The following SORCS1 variants were observed in gnomAD, a reference collection of about 807,000 sequenced individuals.
SORCS1 encodes VPS10 domain-containing receptor SorCS1.
A neutral mutation model predicts 146.1 loss-of-function variants in SORCS1; 60 were observed. That is an observed-to-expected ratio of 0.41 (90% CI 0.33 to 0.51). SORCS1 has a LOEUF of 0.51. SORCS1 is among the 20% of genes least tolerant of loss of function. The pLI, the probability that SORCS1 is intolerant of heterozygous loss-of-function variation, is 0.21. For synonymous variants in SORCS1, 637 were observed against 584.0 expected, an observed-to-expected ratio of 1.09 and a Z score of -1.31; for missense variants, 1,352 against 1,487.6, an observed-to-expected ratio of 0.91 and a Z score of 1.50.
At chr10:106,860,662 T>C (rs545630705) in intron 2 of SORCS1, among the ~76,000 whole-genome samples, 1 of 152,340 alleles carries the variant, frequency 6.6e-6, no homozygotes, top group East Asian at 1.9e-4. Flanking sequence ...GTCAGCATGC[T>C]TAATACAGAG....
At chr10:107,064,452 G>C (rs1477631535) in intron 1 of SORCS1, among the ~76,000 whole-genome samples, 1 of 152,156 alleles carries the variant, frequency 6.6e-6, no homozygotes, top group Non-Finnish European at 1.5e-5. Context: ...CTATTCCCAA[G>C]AAAACACTGT....
intron 2 of SORCS1, among the ~76,000 whole-genome samples, chr10:106,847,865 G>A (rs1287410848): frequency 9.4e-5 from 14 of 149,330 alleles, no homozygotes; most frequent in Non-Finnish European, 1.5e-5. Flanking sequence ...TCAGGAGCAG[G>A]TTGTTCAGTT....
At chr10:106,679,134 C>T (rs1345858165) in intron 12 of SORCS1, 122 bp downstream of exon 12, 1 of 619,158 alleles carries the variant, frequency 1.6e-6, no homozygotes, top group Non-Finnish European at 2.9e-6. Flanking sequence ...GAAAAATAAA[C>T]ATATTCACAG....
chr10:106,946,837 CACTG>C (rs1374176542), intron 2 of SORCS1, among the ~76,000 whole-genome samples: 2 of 152,158 alleles, frequency 1.3e-5, no homozygotes, highest in Non-Finnish European at 2.9e-5. Context: ...TGCTTATTCC[CACTG>C]ACTATCTAGT....
At position 107,158,889 on chromosome 10, in the gene SORCS1, G is replaced by A. The variant is rs1969498796; in HGVS notation, c.558+5080C>T. On this transcript the variant is annotated intron_variant, in intron 1 of 25. Transcript: ENST00000263054. ...TTGCCCTATCCTATGAACTTCTAAGGTCTCTCTTTAAAAAAATGTGGATGT... is the reference window on the plus strand; with the variant it reads ...TTGCCCTATCCTATGAACTTCTAAGATCTCTCTTTAAAAAAATGTGGATGT... 2.0e-5 allele frequency among the ~76,000 whole-genome samples: 3 copies of A among 151,582 alleles called. No homozygotes were observed. The South Asian group carries it at 6.2e-4, about 32-fold the overall frequency.
In SORCS1 at chr10:106,579,356, G is replaced by A. The variant is rs1844762983; in HGVS notation, c.3371+13C>T. ...GGTCAGGGGTGGGGGAACGTGGATA[G>A]AGGGACACGCACCTTTTAAACTTGT... On this transcript the variant is annotated intron_variant, in intron 25 of 25. Transcript: ENST00000263054. The A allele has an allele frequency of 6.2e-7, 1 of 1,613,904 alleles. No homozygotes were observed. The highest frequency in any genetic ancestry group is 1.1e-5 in the South Asian group (1 of 91,080).
intron 19 of SORCS1, among the ~76,000 whole-genome samples, chr10:106,625,032 A>G (rs988730675): frequency 2.0e-5 from 3 of 152,224 alleles, no homozygotes; most frequent in Admixed American, 2.0e-4. Flanking sequence ...TGCAATGCAC[A>G]AAAGGGACAG....
chr10:107,101,087 T>G lies in SORCS1; in HGVS notation c.558+62882A>C, dbSNP rs559992304. On this transcript the variant is annotated intron_variant, in intron 1 of 25. Coordinates refer to ENST00000263054, the MANE Select transcript of SORCS1 (RefSeq NM_052918.5). ...TTTTTTTCTTTTTTGGAGACCAAGT[T>G]TCACTCTCATTGCCCAGGCTGGAGT... Among the ~76,000 whole-genome samples the G allele has an allele frequency of 2.8e-4, 43 of 152,184 alleles. 1 individual carries two copies. The highest frequency in any genetic ancestry group is 1.0e-3 in the African/African-American group (43 of 41,516).
chr10:106,899,734 A>G (rs1564789400), intron 2 of SORCS1, among the ~76,000 whole-genome samples: 1 of 151,938 alleles, frequency 6.6e-6, no homozygotes, highest in Non-Finnish European at 1.5e-5. Context: ...ATGACTCCCA[A>G]GGGCTTTCAA....
intron 2 of SORCS1, among the ~76,000 whole-genome samples, chr10:106,905,033 A>G (rs1231579195): frequency 6.6e-6 from 1 of 152,144 alleles, no homozygotes; most frequent in Admixed American, 6.5e-5. Flanking sequence ...ATACATGTTT[A>G]ACTTTAAATA....
At chr10:106,836,792 G>GTA (rs559543338) in intron 2 of SORCS1, among the ~76,000 whole-genome samples, 209 of 152,154 alleles carry the variant, frequency 1.4e-3, no homozygotes, top group African/African-American at 4.6e-3. Context: ...GGAAAAGAAG[G>GTA]TATATCCTTT....
chr10:106,852,965 T>G (rs1318041522), intron 2 of SORCS1, among the ~76,000 whole-genome samples: 1 of 152,172 alleles, frequency 6.6e-6, no homozygotes, highest in Non-Finnish European at 1.5e-5. Flanking sequence ...GTTTTTGATA[T>G]TGGAATAATA....
At chr10:106,947,142 G>A (rs553560082) in intron 2 of SORCS1, among the ~76,000 whole-genome samples, 9 of 152,264 alleles carry the variant, frequency 5.9e-5, no homozygotes, top group South Asian at 4.1e-4. Context: ...TAAAAGTTAC[G>A]TATTGAAAAT....
intron 1 of SORCS1, among the ~76,000 whole-genome samples, chr10:107,117,361 C>G (rs1216374999): frequency 6.6e-6 from 1 of 152,146 alleles, no homozygotes; most frequent in Non-Finnish European, 1.5e-5. Flanking sequence ...ACAATGACCC[C>G]GGAAGGCCAT....
chr10:106,679,981 G>A (rs1589648752), intron 10 of SORCS1, among the ~76,000 whole-genome samples: 2 of 152,130 alleles, frequency 1.3e-5, no homozygotes, highest in South Asian at 4.2e-4. Flanking sequence ...ATCTAATTTG[G>A]TCTTTGTCAT....
rs191410165 is a variant in SORCS1 at position 107,049,937 on chromosome 10, C to A, written c.559-93357G>T. Among the ~76,000 whole-genome samples the A allele has an allele frequency of 1.1e-3, 175 of 152,200 alleles. 1 individual carries two copies. The highest frequency in any genetic ancestry group is 6.8e-3 in the Middle Eastern group (2 of 294). The stretch of plus-strand genomic sequence containing the variant: ...AAGAGAGAATAATTATTAAACGAAA[C>A]GTAATATATCTCAGCTTAGAAGTTT... On this transcript the variant is annotated intron_variant, in intron 1 of 25. Coordinates refer to ENST00000263054, the MANE Select transcript of SORCS1 (RefSeq NM_052918.5).
At chr10:106,723,972 C>T (rs1423759822) in intron 6 of SORCS1, among the ~76,000 whole-genome samples, 5 of 151,824 alleles carry the variant, frequency 3.3e-5, no homozygotes, top group Admixed American at 6.6e-5. Context: ...TATTTAATAC[C>T]CTTGTATGTA....
chr10:107,143,200 T>C (rs1300710912), intron 1 of SORCS1, among the ~76,000 whole-genome samples: 4 of 152,250 alleles, frequency 2.6e-5, no homozygotes, highest in Non-Finnish European at 2.9e-5. Context: ...GCTTTGCAAC[T>C]GGTCTCCCTT....
intron 2 of SORCS1, among the ~76,000 whole-genome samples, chr10:106,876,026 TCA>T (rs1188454401): frequency 2.0e-5 from 3 of 152,076 alleles, no homozygotes; most frequent in Non-Finnish European, 4.4e-5. Context: ...GATTTATAAA[TCA>T]AAATAATTTC....
Sources: gnomAD v4.1 joint callset for allele counts (sites outside exome capture counted in the v4.1 genomes callset) on GRCh38, gnomAD v4.1.1 for gene constraint, MANE v1.5 for transcripts, NCBI Gene and HGNC (gene_info 2026-07-23, HGNC 2026-07-21) for gene names.